The following PREX2 variants were observed in gnomAD, a reference collection of about 807,000 sequenced individuals.
The protein encoded by PREX2 is phosphatidylinositol-3,4,5-trisphosphate dependent Rac exchange factor 2, also known as phosphatidylinositol 3,4,5-trisphosphate-dependent Rac exchanger 2 protein.
Under a neutral mutation model 203.2 loss-of-function variants are expected in PREX2, and 107 were observed. The observed-to-expected ratio is 0.53, with a 90% CI of 0.45 to 0.62. The LOEUF is 0.62. Among genes scored for constraint, PREX2 ranks in the 20% least tolerant of loss-of-function variants. PREX2 has a pLI of 0.00. For missense variants in PREX2, 1,777 were observed against 1,955.9 expected, an observed-to-expected ratio of 0.91 and a Z score of 1.72; for synonymous variants, 672 against 663.6, an observed-to-expected ratio of 1.01 and a Z score of -0.19.
intron 35 of PREX2, among the ~76,000 whole-genome samples, chr8:68,160,281 T>G (rs1054609117): frequency 6.6e-5 from 10 of 152,284 alleles, no homozygotes; most frequent in African/African-American, 9.6e-5. Flanking sequence ...TAGAGATCTT[T>G]TAGAAGATGC....
intron 5 of PREX2, among the ~76,000 whole-genome samples, chr8:68,029,704 A>G (rs1449232268): frequency 6.6e-6 from 1 of 152,154 alleles, no homozygotes; most frequent in Non-Finnish European, 1.5e-5. Context: ...TTAAAAAGCA[A>G]TGTGGTCCCA....
At chr8:67,955,287 A>G (rs1805469980) in intron 1 of PREX2, among the ~76,000 whole-genome samples, 1 of 151,908 alleles carries the variant, frequency 6.6e-6, no homozygotes, top group African/African-American at 2.4e-5. Flanking sequence ...CCCCACTGCC[A>G]TCCCCAAGAC....
At chr8:67,967,063 C>T (rs990302834) in intron 1 of PREX2, among the ~76,000 whole-genome samples, 13 of 152,190 alleles carry the variant, frequency 8.5e-5, no homozygotes, top group African/African-American at 3.1e-4. Context: ...AAAAAGCAGG[C>T]ATTCACTCTT....
intron 37 of PREX2, among the ~76,000 whole-genome samples, chr8:68,196,030 G>A (rs1563582862): frequency 1.3e-5 from 2 of 152,088 alleles, no homozygotes; most frequent in Non-Finnish European, 2.9e-5. Flanking sequence ...ATAGAATTCA[G>A]GATGAATTAT....
intron 8 of PREX2, among the ~76,000 whole-genome samples, chr8:68,047,488 T>TATATATATATATATAC (rs1563516923): frequency 3.2e-4 from 35 of 110,358 alleles, no homozygotes; most frequent in African/African-American, 1.8e-3. Context: ...TATATATATA[T>TATATATATATATATAC]ATATATATAT....
intron 1 of PREX2, among the ~76,000 whole-genome samples, chr8:67,960,349 GT>G (rs1045423543): frequency 5.9e-5 from 9 of 151,426 alleles, no homozygotes; most frequent in African/African-American, 7.3e-5. Flanking sequence ...GCCGGAAGTG[GT>G]TTTTTTTTCC....
chr8:68,096,872 A>T, intron 21 of PREX2, 145 bp from the exon 22 acceptor site: 3 of 673,890 alleles, frequency 4.5e-6, no homozygotes, highest in Non-Finnish European at 7.5e-6. Context: ...TAAAATGTTA[A>T]CAAGAATAGA....
intron 31 of PREX2, among the ~76,000 whole-genome samples, chr8:68,129,895 A>C (rs1227361990): frequency 1.3e-5 from 2 of 151,820 alleles, no homozygotes; most frequent in East Asian, 1.9e-4. Context: ...GCAAAAAAAA[A>C]AAAACCCTCA....
intron 37 of PREX2, among the ~76,000 whole-genome samples, chr8:68,203,483 C>G (rs1047199398): frequency 1.3e-5 from 2 of 151,956 alleles, no homozygotes; most frequent in African/African-American, 4.8e-5. Context: ...GTGATTAGTA[C>G]AGAGAGAGAA....
In PREX2 at chr8:67,963,613, G is replaced by C. The variant is rs556316363; in HGVS notation, c.141+11078G>C. Among the ~76,000 whole-genome samples, 17 of 151,968 alleles carry C rather than the reference G, an allele frequency of 1.1e-4. No homozygotes were observed. The South Asian group carries it at 3.3e-3, about 30-fold the overall frequency. ...AATTTCCCCAGATTACGCTAAAACT[G>C]CACTTTTTTGTTTTCAATAATTATA... is the stretch of plus-strand genomic sequence containing the variant. On this transcript the variant is annotated intron_variant, in intron 1 of 39. Transcript: ENST00000288368.
chr8:67,976,644 CAGAG>C (rs1250603870), intron 1 of PREX2, among the ~76,000 whole-genome samples: 1 of 46,572 alleles, frequency 2.1e-5, no homozygotes, highest in Non-Finnish European at 4.2e-5. Context: ...GGGAGAGAGA[CAGAG>C]AGAGAGAGAC....
At position 67,952,321 on chromosome 8, in the gene PREX2, G is replaced by A; in HGVS notation, c.-74G>A. On this transcript the variant is annotated 5_prime_UTR_variant, in exon 1 of 40. Transcript: ENST00000288368. ...GCAACTTTCCATTCTCGCCGCCGGGGGCCGGGCAGCAGCGGGCGCGCGGGT... is the reference window on the plus strand; with the variant it reads ...GCAACTTTCCATTCTCGCCGCCGGGAGCCGGGCAGCAGCGGGCGCGCGGGT... 1.6e-6 allele frequency: 2 copies of A among 1,266,630 alleles called. No individual in the cohort carries two copies. Among genetic ancestry groups the A allele is most frequent in the Non-Finnish European group, 2.0e-6 (2 of 996,628 alleles). The allele number at this position is 1,266,630 out of a possible 1,614,324, so 78.5% of individuals were successfully genotyped here.
At chr8:68,006,925 T>G (rs1807114557) in intron 1 of PREX2, among the ~76,000 whole-genome samples, 1 of 152,206 alleles carries the variant, frequency 6.6e-6, no homozygotes, top group Admixed American at 6.5e-5. Context: ...GACACTATAT[T>G]TTTTTGATGG....
intron 4 of PREX2, among the ~76,000 whole-genome samples, chr8:68,025,241 A>G (rs1180409411): frequency 1.3e-5 from 2 of 150,442 alleles, no homozygotes; most frequent in East Asian, 3.9e-4. Flanking sequence ...TTTTGCCTTC[A>G]TTTTTGAAGG....
intron 7 of PREX2, among the ~76,000 whole-genome samples, chr8:68,039,554 A>G (rs959426868): frequency 2.6e-5 from 4 of 151,958 alleles, no homozygotes; most frequent in African/African-American, 9.7e-5. Context: ...TCAAATCTCT[A>G]TCCTTAGCCC....
At position 68,231,474 on chromosome 8, in the gene PREX2, A is replaced by G; in HGVS notation, c.*96A>G. On this transcript the variant is annotated 3_prime_UTR_variant, in exon 40 of 40. Transcript: ENST00000288368. The stretch of plus-strand genomic sequence containing the variant: ...AACATTCTCCACTGAAGATACATCA[A>G]TGCTTTTTTTTTTTTTTTTTTCTGT... 1 of 791,150 alleles carries G rather than the reference A, an allele frequency of 1.3e-6. No homozygotes were observed. The highest frequency in any genetic ancestry group is 2.4e-4 in the Middle Eastern group (1 of 4,180). The allele number at this position is 791,150 out of a possible 1,614,324, so 49.0% of individuals were successfully genotyped here. A position where few individuals can be genotyped will look rare whatever the true frequency, so the allele number is the denominator to read the frequency against.
chr8:67,992,735 C>A (rs150465514), intron 1 of PREX2, among the ~76,000 whole-genome samples: 1,906 of 152,282 alleles, frequency 0.013, 15 homozygotes, highest in Non-Finnish European at 0.021. Flanking sequence ...AGCTTAATTT[C>A]TATAGCCTCT....
chr8:68,156,937 C>T (rs779828631), intron 34 of PREX2, among the ~76,000 whole-genome samples: 90 of 152,128 alleles, frequency 5.9e-4, no homozygotes, highest in African/African-American at 8.4e-4. Context: ...CCTGTGTCTG[C>T]GTGCAGTTTC....
chr8:67,994,708 G>T (rs1806714042), intron 1 of PREX2, among the ~76,000 whole-genome samples: 1 of 152,108 alleles, frequency 6.6e-6, no homozygotes, highest in Non-Finnish European at 1.5e-5. Flanking sequence ...AAACATATTT[G>T]ACCTGGTCTT....
Sources: gnomAD v4.1 joint callset for allele counts (sites outside exome capture counted in the v4.1 genomes callset) on GRCh38, gnomAD v4.1.1 for gene constraint, MANE v1.5 for transcripts, NCBI Gene and HGNC (gene_info 2026-07-23, HGNC 2026-07-21) for gene names.